Variants in SPEN observed in about 807,000 individuals in gnomAD.
SPEN encodes spen family transcriptional repressor, also known as msx2-interacting protein.
In SPEN, 18 loss-of-function variants were observed where a neutral mutation model predicts 269.9. The ratio of observed to expected loss-of-function variants is 0.07; its 90% CI spans 0.05 to 0.10. The LOEUF is 0.10. SPEN is among the 10% of genes least tolerant of loss of function. SPEN has a pLI of 1.00. For synonymous variants in SPEN, 1,726 were observed against 1,765.7 expected (o/e 0.98, Z 0.56); for missense variants, 3,822 against 4,631.2 (o/e 0.83, Z 5.07).
At chr1:15,936,430 C>T (rs745948076) in intron 11 of SPEN, among the ~76,000 whole-genome samples, 164 bp downstream of exon 11, 4 of 151,400 alleles carry the variant, frequency 2.6e-5, no homozygotes, top group Non-Finnish European at 2.9e-5. Flanking sequence ...TGCTTAAGCC[C>T]GGGAGTTCGA....
At chr1:15,889,406 T>C (rs1570010116) in intron 3 of SPEN, among the ~76,000 whole-genome samples, 1 of 152,124 alleles carries the variant, frequency 6.6e-6, no homozygotes, top group Non-Finnish European at 1.5e-5. Flanking sequence ...CCTCCAGTGA[T>C]CTGCCCACCT....
Position 15,928,457 on chromosome 1 carries a change from G to A in SPEN, c.2217G>A (p.Ala739=), listed in dbSNP as rs377408726. The part of the protein sequence containing the change: ...VHLRRPQSPG[A]SPSQAERLPS... The stretch of plus-strand genomic sequence containing the variant: ...TGCGACGTCCACAGAGTCCTGGAGC[G>A]TCTCCCTCTCAGGCAGAGAGGTTGC... The change falls in exon 11 of 15, where the codon GCG becomes GCA. Residue 739 remains alanine (A), a synonymous_variant. Coordinates refer to ENST00000375759, the MANE Select transcript of SPEN (RefSeq NM_015001.3). This position sits in a 1 kb window ranked among gnomAD's most constrained non-coding sequence, Gnocchi z 5.7. 66 of 1,613,952 alleles carry A rather than the reference G, an allele frequency of 4.1e-5. No homozygotes were observed. Among genetic ancestry groups the A allele is most frequent in the Admixed American group, 1.5e-4 (9 of 59,980 alleles).
intron 5 of SPEN, 35 bp downstream of exon 5, chr1:15,911,336 TCACA>T (rs1056593467): frequency 3.2e-6 from 5 of 1,560,148 alleles, no homozygotes; most frequent in Non-Finnish European, 4.4e-6. Flanking sequence ...GAGTTACTCA[TCACA>T]CACACTGTTT....
At chr1:15,899,537 G>A (rs1022948057) in intron 3 of SPEN, among the ~76,000 whole-genome samples, 16 of 83,420 alleles carry the variant, frequency 1.9e-4, no homozygotes, top group Middle Eastern at 7.7e-3. Context: ...ATGTGGCAGA[G>A]TTTTTTTTTT....
intron 5 of SPEN, among the ~76,000 whole-genome samples, chr1:15,914,981 G>C (rs2148731102): frequency 6.6e-6 from 1 of 152,250 alleles, no homozygotes; most frequent in East Asian, 1.9e-4. Context: ...TTGATTTATT[G>C]TGTTAGTATG....
chr1:15,920,916 A>G lies in SPEN; in HGVS notation c.1682A>G (p.Glu561Gly). 1 of 1,613,360 alleles carries G rather than the reference A, an allele frequency of 6.2e-7. No homozygotes were observed. The change falls in exon 9 of 15, where the codon GAA (glutamate) becomes GGA (glycine). Residue 561 changes from glutamate (E) to glycine (G), a missense_variant. By Grantham distance (98) the Glu-to-Gly change is moderately conservative. Transcript: ENST00000375759. ...GGCATGGCCCTGGTTCTCTACAATG[A>G]AATTGAATATGCACAAGCAGCTGTA... ...LKGMALVLYNEIEYAQAAVKE... is the reference protein window; with the variant it reads ...LKGMALVLYNGIEYAQAAVKE...
chr1:15,916,675 GCTAACTC>G (rs2071070420), intron 6 of SPEN, among the ~76,000 whole-genome samples: 1 of 151,970 alleles, frequency 6.6e-6, no homozygotes, highest in South Asian at 2.1e-4. Context: ...ACCACGCCCA[GCTAACTC>G]TTGTGTTTTT....
intron 3 of SPEN, among the ~76,000 whole-genome samples, chr1:15,883,955 G>A (rs926589207): frequency 2.6e-5 from 4 of 151,584 alleles, no homozygotes; most frequent in East Asian, 1.9e-4. Flanking sequence ...GCCTACAGGC[G>A]CCCGCCACCC....
chr1:15,894,623 C>T (rs2148720652), intron 3 of SPEN, among the ~76,000 whole-genome samples: 1 of 149,818 alleles, frequency 6.7e-6, no homozygotes, highest in Middle Eastern at 3.5e-3. Context: ...TCACTGCAAC[C>T]TCCGCCTCCT....
chr1:15,856,076 T>C (rs2070383943), intron 1 of SPEN, among the ~76,000 whole-genome samples: 1 of 134,674 alleles, frequency 7.4e-6, no homozygotes, highest in African/African-American at 2.8e-5. Flanking sequence ...CACTGCAAGC[T>C]CCACCTCCTG....
intron 3 of SPEN, among the ~76,000 whole-genome samples, chr1:15,882,924 A>C (rs1191850417): frequency 1.3e-5 from 2 of 152,032 alleles, no homozygotes; most frequent in African/African-American, 2.4e-5. Context: ...CCAGGGTCCA[A>C]CCAAGTCTGA....
intron 11 of SPEN, among the ~76,000 whole-genome samples, chr1:15,936,750 A>G (rs2071279253): frequency 6.6e-6 from 1 of 152,206 alleles, no homozygotes; most frequent in Admixed American, 6.5e-5. Flanking sequence ...CAGCTTGGCC[A>G]ACATGGTGAA....
At chr1:15,901,133 G>A (rs1037819243) in intron 3 of SPEN, among the ~76,000 whole-genome samples, 1 of 151,086 alleles carries the variant, frequency 6.6e-6, no homozygotes, top group Non-Finnish European at 1.5e-5. Context: ...ACGGGAGGAC[G>A]TTTGAGCCCA....
intron 3 of SPEN, among the ~76,000 whole-genome samples, chr1:15,889,304 T>A (rs2070768123): frequency 6.6e-6 from 1 of 152,152 alleles, no homozygotes; most frequent in African/African-American, 2.4e-5. Context: ...TAGCTGGGAT[T>A]GCAGGCATGT....
chr1:15,914,002 AATTT>A (rs2071034505), intron 5 of SPEN, among the ~76,000 whole-genome samples: 1 of 152,162 alleles, frequency 6.6e-6, no homozygotes, highest in Middle Eastern at 3.2e-3. Context: ...ATTCTATCTG[AATTT>A]TTTGAAATAT....
chr1:15,904,531 G>C (rs1448665579), intron 3 of SPEN, among the ~76,000 whole-genome samples: 1 of 144,688 alleles, frequency 6.9e-6, no homozygotes, highest in Admixed American at 7.2e-5. Flanking sequence ...TTTAAAACCA[G>C]TCTCCCCTTC....
At chr1:15,918,102 A>C (rs531500364) in intron 6 of SPEN, among the ~76,000 whole-genome samples, 68 of 152,356 alleles carry the variant, frequency 4.5e-4, no homozygotes, top group Non-Finnish European at 8.7e-4. Context: ...TCAGTAACCT[A>C]TCTGGGCTCC....
At chr1:15,899,537 GTTTTTT>G (rs34565365) in intron 3 of SPEN, among the ~76,000 whole-genome samples, 15 of 83,420 alleles carry the variant, frequency 1.8e-4, no homozygotes, top group African/African-American at 4.1e-4. Context: ...ATGTGGCAGA[GTTTTTT>G]TTTTTTTTTT....
At chr1:15,924,712 G>A (rs909603153) in intron 10 of SPEN, among the ~76,000 whole-genome samples, 3 of 152,086 alleles carry the variant, frequency 2.0e-5, no homozygotes, top group African/African-American at 4.8e-5. Context: ...CGCCTGCCTC[G>A]GCCTCCCAAA....
Sources: gnomAD v4.1 joint callset for allele counts (sites outside exome capture counted in the v4.1 genomes callset) on GRCh38, gnomAD v4.1.1 for gene constraint, Gnocchi (gnomAD v3.1) non-coding constraint, MANE v1.5 for transcripts, NCBI Gene and HGNC (gene_info 2026-07-23, HGNC 2026-07-21) for gene names.